Variants in PIGU observed in about 807,000 individuals in gnomAD.
The protein encoded by PIGU is GPI-anchor transamidase component PIGU.
In PIGU, 24 loss-of-function variants were observed where a neutral mutation model predicts 49.9. That is an observed-to-expected ratio of 0.48 (90% CI 0.35 to 0.68). PIGU has a LOEUF of 0.68. Ranked by LOEUF, PIGU falls within the 30% of genes least tolerant of loss-of-function variation. The pLI is 0.01. For missense variants in PIGU, 490 were observed against 532.6 expected (o/e 0.92, Z 0.79); for synonymous variants, 220 against 205.7 (o/e 1.07, Z -0.59).
At chr20:34,666,989 C>T (rs571727554) in intron 1 of PIGU, among the ~76,000 whole-genome samples, 3 of 151,958 alleles carry the variant, frequency 2.0e-5, no homozygotes, top group African/African-American at 2.4e-5. Flanking sequence ...TGAGCCACCG[C>T]GCCCAGCCAG....
chr20:34,571,633 C>A (rs1301122454), intron 11 of PIGU, among the ~76,000 whole-genome samples: 1 of 152,044 alleles, frequency 6.6e-6, no homozygotes, highest in Non-Finnish European at 1.5e-5. Flanking sequence ...CCGTACGTCT[C>A]GATGGAAGAC....
chr20:34,628,641 A>C (rs1985585531), intron 6 of PIGU, among the ~76,000 whole-genome samples: 1 of 152,204 alleles, frequency 6.6e-6, no homozygotes, highest in Non-Finnish European at 1.5e-5. Flanking sequence ...ACTTGAGGTC[A>C]GGAGTTCAAG....
rs1181219913 is a variant in PIGU at position 34,655,454 on chromosome 20, G to A, written c.195+1726C>T. 3.3e-5 allele frequency among the ~76,000 whole-genome samples: 4 copies of A among 121,938 alleles called. 2 individuals carry two copies. Among genetic ancestry groups the A allele is most frequent in the Admixed American group, 2.1e-4 (2 of 9,424 alleles). 80.0% of individuals were successfully genotyped at this position (121,938 alleles called of 152,430 possible). On this transcript the variant is annotated intron_variant, in intron 2 of 11. Coordinates refer to ENST00000217446, the MANE Select transcript of PIGU (RefSeq NM_080476.5). ...TGGGAGGCCAAGGCAGGCGGATCACGAAGTCAGGAGTTTGAGAGCATCCTG... is the reference window on the plus strand; with the variant it reads ...TGGGAGGCCAAGGCAGGCGGATCACAAAGTCAGGAGTTTGAGAGCATCCTG...
chr20:34,677,006 A>G lies in PIGU; in HGVS notation c.80T>C (p.Phe27Ser). 1 of 1,584,932 alleles carries G rather than the reference A, an allele frequency of 6.3e-7. No individual in the cohort carries two copies. Among genetic ancestry groups the G allele is most frequent in the East Asian group, 2.3e-5 (1 of 43,882 alleles). The change falls in exon 1 of 12, where the codon TTC becomes TCC. Residue 27 changes from phenylalanine to serine, a missense_variant. Coordinates refer to ENST00000217446, the MANE Select transcript of PIGU (RefSeq NM_080476.5). ...AALFRSSLAEFISERVEVVSP... is the reference protein window; with the variant it reads ...AALFRSSLAESISERVEVVSP... ...CACCACCTCCACCCGCTCGGAAATG[A>G]ACTCGGCCAGACTGGAGCGGAACAA... is the stretch of plus-strand genomic sequence containing the variant.
chr20:34,589,691 C>G (rs1169215474), intron 7 of PIGU, among the ~76,000 whole-genome samples: 2 of 113,182 alleles, frequency 1.8e-5, no homozygotes, highest in Non-Finnish European at 3.4e-5. Context: ...GAGTTTCGCT[C>G]GTTGCCCTGG....
chr20:34,644,258 G>A, intron 3 of PIGU, 32 bp from the exon 4 acceptor site: 1 of 1,547,744 alleles, frequency 6.5e-7, no homozygotes, highest in Non-Finnish European at 8.9e-7. Flanking sequence ...ATAGGAAATG[G>A]AACACAGTAA....
rs1986660235 is a variant in PIGU at position 34,654,932 on chromosome 20, G to A, written c.195+2248C>T. Among the ~76,000 whole-genome samples the A allele has an allele frequency of 3.5e-5, 4 of 114,480 alleles. 2 individuals carry two copies. Among genetic ancestry groups the A allele is most frequent in the Non-Finnish European group, 7.3e-5 (4 of 54,544 alleles). 75.1% of individuals were successfully genotyped at this position (114,480 alleles called of 152,430 possible). A position where few individuals can be genotyped will look rare whatever the true frequency, so the allele number is the denominator to read the frequency against. ...AGGCAGAGGAGTCGCTTGAACCCGGGAGGCAGAGGTTGCAGTGAGCTGAGA... is the reference window on the plus strand; with the variant it reads ...AGGCAGAGGAGTCGCTTGAACCCGGAAGGCAGAGGTTGCAGTGAGCTGAGA... On this transcript the variant is annotated intron_variant, in intron 2 of 11. Coordinates refer to ENST00000217446, the MANE Select transcript of PIGU (RefSeq NM_080476.5).
intron 4 of PIGU, 93 bp from the exon 5 acceptor site, chr20:34,638,078 C>A: frequency 6.9e-7 from 1 of 1,458,908 alleles, no homozygotes; most frequent in East Asian, 2.5e-5. Flanking sequence ...TTCCATGGCC[C>A]ACATGGCCCT....
At chr20:34,634,566 C>A in intron 6 of PIGU, 49 bp downstream of exon 6, 1 of 1,546,808 alleles carries the variant, frequency 6.5e-7, no homozygotes, top group South Asian at 1.3e-5. Flanking sequence ...GTTGCAAAAT[C>A]TTGCATAAAT....
intron 4 of PIGU, among the ~76,000 whole-genome samples, chr20:34,641,322 C>T (rs1482214698): frequency 6.6e-6 from 1 of 152,226 alleles, no homozygotes; most frequent in East Asian, 1.9e-4. Flanking sequence ...GTCCCTACTC[C>T]TCTCCAACTG....
intron 11 of PIGU, among the ~76,000 whole-genome samples, chr20:34,563,964 A>C (rs1373709198): frequency 1.3e-5 from 2 of 152,202 alleles, no homozygotes; most frequent in Non-Finnish European, 1.5e-5. Context: ...GTCCTAAGAA[A>C]AGCATCAGAC....
chr20:34,638,139 A>AT (rs1426424503), intron 4 of PIGU, among the ~76,000 whole-genome samples, 154 bp from the exon 5 acceptor site: 1 of 152,040 alleles, frequency 6.6e-6, no homozygotes, highest in Non-Finnish European at 1.5e-5. Context: ...GGCCCTCCCC[A>AT]TCCCCTTTCT....
At chr20:34,620,096 TA>T (rs1172176534) in intron 6 of PIGU, among the ~76,000 whole-genome samples, 5 of 152,282 alleles carry the variant, frequency 3.3e-5, no homozygotes, top group African/African-American at 1.2e-4. Context: ...AGGAACCTTC[TA>T]AAACAGTTTA....
At chr20:34,614,116 C>T (rs906769767) in intron 7 of PIGU, among the ~76,000 whole-genome samples, 1 of 151,944 alleles carries the variant, frequency 6.6e-6, no homozygotes, top group Non-Finnish European at 1.5e-5. Flanking sequence ...AGCAACATGG[C>T]AAAGCCCTGT....
intron 4 of PIGU, among the ~76,000 whole-genome samples, chr20:34,641,578 C>T (rs934953555): frequency 6.6e-6 from 1 of 152,040 alleles, no homozygotes; most frequent in Non-Finnish European, 1.5e-5. Context: ...GCATTCAGTC[C>T]GCAGGCTAAC....
chr20:34,657,100 G>C, intron 2 of PIGU, 80 bp downstream of exon 2: 1 of 1,092,672 alleles, frequency 9.2e-7, no homozygotes, highest in Non-Finnish European at 1.4e-6. Context: ...TTAAATGTTT[G>C]TACAAAACAG....
chr20:34,668,236 G>A (rs1048126626), intron 1 of PIGU, among the ~76,000 whole-genome samples: 3 of 151,982 alleles, frequency 2.0e-5, no homozygotes, highest in Non-Finnish European at 4.4e-5. Flanking sequence ...GTCGAGGCAG[G>A]TGGATCACCT....
At chr20:34,575,664 G>A (rs975213555) in intron 10 of PIGU, among the ~76,000 whole-genome samples, 8 of 152,056 alleles carry the variant, frequency 5.3e-5, no homozygotes, top group South Asian at 2.1e-4. Flanking sequence ...AGCATGAACC[G>A]TGACGATTAG....
intron 2 of PIGU, among the ~76,000 whole-genome samples, chr20:34,647,467 G>A (rs1203213804): frequency 2.1e-5 from 3 of 143,940 alleles, no homozygotes; most frequent in Admixed American, 1.4e-4. Flanking sequence ...TCACCATCTC[G>A]GCCAGGCTGG....
Sources: gnomAD v4.1 joint callset for allele counts (sites outside exome capture counted in the v4.1 genomes callset) on GRCh38, gnomAD v4.1.1 for gene constraint, MANE v1.5 for transcripts, NCBI Gene and HGNC (gene_info 2026-07-23, HGNC 2026-07-21) for gene names.